SCUBE2: variants seen among roughly 807,000 people sequenced by gnomAD.
The protein encoded by SCUBE2 is signal peptide, CUB and EGF-like domain-containing protein 2.
In SCUBE2, 114 loss-of-function variants were observed where a neutral mutation model predicts 125.9. That is an observed-to-expected ratio of 0.91 (90% CI 0.78 to 1.06). SCUBE2 has a LOEUF of 1.06. SCUBE2 is among the 50% of genes least tolerant of loss of function. The pLI, the probability that SCUBE2 is intolerant of heterozygous loss-of-function variation, is 0.00. For synonymous variants in SCUBE2, 459 were observed against 492.9 expected (o/e 0.93, Z 0.91); for missense variants, 1,255 against 1,301.8 (o/e 0.96, Z 0.55).
At chr11:9,037,617 G>A (rs1590027265) in intron 16 of SCUBE2, among the ~76,000 whole-genome samples, 1 of 152,352 alleles carries the variant, frequency 6.6e-6, no homozygotes, top group South Asian at 2.1e-4. Flanking sequence ...GGGTGCCCCA[G>A]GGCTGCTGCT....
chr11:9,065,585 T>C (rs1276284740), intron 7 of SCUBE2, among the ~76,000 whole-genome samples: 1 of 152,150 alleles, frequency 6.6e-6, no homozygotes, highest in Non-Finnish European at 1.5e-5. Context: ...CTTTATTACA[T>C]CCATTTCAAA....
At chr11:9,066,204 T>A (rs1208916167) in intron 6 of SCUBE2, among the ~76,000 whole-genome samples, 2 of 152,194 alleles carry the variant, frequency 1.3e-5, no homozygotes, top group Admixed American at 1.3e-4. Context: ...TTTGGAGGTA[T>A]ATTGCACTGA....
intron 21 of SCUBE2, chr11:9,024,091 G>T: frequency 4.6e-6 from 2 of 436,234 alleles, no homozygotes; most frequent in Non-Finnish European, 3.1e-6. Flanking sequence ...TGTGACACAT[G>T]CAAGACTCAC....
intron 3 of SCUBE2, among the ~76,000 whole-genome samples, chr11:9,075,187 T>C (rs1165579056): frequency 2.2e-5 from 3 of 136,286 alleles, no homozygotes; most frequent in Non-Finnish European, 4.6e-5. Context: ...AGCCTGGGCC[T>C]CAGAGCGAGA....
At chr11:9,039,376 G>C (rs563534908) in intron 16 of SCUBE2, among the ~76,000 whole-genome samples, 6 of 152,336 alleles carry the variant, frequency 3.9e-5, no homozygotes, top group Admixed American at 1.3e-4. Context: ...AACAGAAAGG[G>C]AGAGGTCAAG....
chr11:9,022,883 T>TCC (rs1192640409), intron 21 of SCUBE2: 2 of 152,318 alleles, frequency 1.3e-5, no homozygotes, highest in African/African-American at 4.8e-5. Flanking sequence ...TTTTTCTCTA[T>TCC]TCTTGTATTA....
intron 16 of SCUBE2, among the ~76,000 whole-genome samples, chr11:9,036,104 G>A (rs1252120405): frequency 6.6e-6 from 1 of 152,160 alleles, no homozygotes; most frequent in African/African-American, 2.4e-5. Flanking sequence ...CAGCCTGGCT[G>A]GTCTCGAACT....
chr11:9,079,075 AAT>A (rs1397026590), intron 3 of SCUBE2, among the ~76,000 whole-genome samples: 1 of 152,206 alleles, frequency 6.6e-6, no homozygotes, highest in Non-Finnish European at 1.5e-5. Context: ...TGAAAAAAAA[AAT>A]GGTTATAAGT....
At position 9,047,998 on chromosome 11, in the gene SCUBE2, C is replaced by T; in HGVS notation, c.1740G>A (p.Lys580=). Residue 580 remains lysine, a synonymous_variant, in exon 15 of 23, where the codon AAG becomes AAA. Coordinates refer to ENST00000649792, the MANE Select transcript of SCUBE2 (RefSeq NM_001367977.2). Reference sequence around the variant, plus strand: ...CAAACTCAACAGTGATAAACATTTCCTTAGGGGTGCTTGGTCGGCCAGGGG... The same window carrying T: ...CAAACTCAACAGTGATAAACATTTCTTTAGGGGTGCTTGGTCGGCCAGGGG... ...PGAPGRPSTP[K]EMFITVEFEL... 6.2e-7 allele frequency: 1 copy of T among 1,614,154 alleles called. No individual in the cohort carries two copies. Among genetic ancestry groups the T allele is most frequent in the Non-Finnish European group, 8.5e-7 (1 of 1,180,012 alleles).
At chr11:9,086,913 A>G (rs920938771) in intron 2 of SCUBE2, among the ~76,000 whole-genome samples, 1 of 151,854 alleles carries the variant, frequency 6.6e-6, no homozygotes, top group South Asian at 2.1e-4. Flanking sequence ...AATACTACAA[A>G]TATTCAAAAG....
At position 9,030,950 on chromosome 11, in the gene SCUBE2, G is replaced by A. The variant is rs763610695; in HGVS notation, c.2174-25C>T. On this transcript the variant is annotated intron_variant, in intron 17 of 22. Transcript: ENST00000649792. The stretch of plus-strand genomic sequence containing the variant: ...CCTGGAAGGACCAATAGCCTTACGT[G>A]AGCAAGGCCTCCAGGCAGACCCTTG... The A allele has an allele frequency of 5.0e-6, 8 of 1,601,930 alleles. No individual in the cohort carries two copies. In the African/African-American group the frequency reaches 1.1e-4, roughly 21 times the overall value.
At chr11:9,050,962 A>G (rs559134954) in intron 13 of SCUBE2, among the ~76,000 whole-genome samples, 12 of 152,316 alleles carry the variant, frequency 7.9e-5, no homozygotes, top group African/African-American at 2.2e-4. Flanking sequence ...AATAAAACAG[A>G]GGCCAGCCTG....
chr11:9,031,026 C>A (rs1856256616), intron 17 of SCUBE2, 101 bp from the exon 18 acceptor site: 4 of 1,115,760 alleles, frequency 3.6e-6, no homozygotes, highest in Non-Finnish European at 5.1e-6. Context: ...TTACCCAGTG[C>A]TGACCGCAGT....
intron 17 of SCUBE2, among the ~76,000 whole-genome samples, chr11:9,031,777 G>C (rs1039514138): frequency 2.0e-5 from 3 of 152,206 alleles, no homozygotes; most frequent in Non-Finnish European, 2.9e-5. Flanking sequence ...TCAGGAATTA[G>C]TCATTGGCAA....
At chr11:9,042,072 A>G (rs1414887278) in intron 16 of SCUBE2, among the ~76,000 whole-genome samples, 1 of 151,998 alleles carries the variant, frequency 6.6e-6, no homozygotes, top group Admixed American at 6.5e-5. Context: ...TGAAGAGAAG[A>G]AGTTGTTTCG....
Position 9,079,505 on chromosome 11 carries a change from G to C in SCUBE2, c.261C>G (p.Ile87Met). 1.2e-6 allele frequency: 2 copies of C among 1,613,348 alleles called. No homozygotes were observed. The highest frequency in any genetic ancestry group is 2.2e-5 in the South Asian group (2 of 90,902). The part of the protein sequence containing the change: ...YQGEGRQCED[I>M]DECGNELNGG... Reference sequence around the variant, plus strand: ...CATTGAGCTCATTTCCACATTCATCGATGTCTGAGGAATAAAACAGAAGTA... The same window carrying C: ...CATTGAGCTCATTTCCACATTCATCCATGTCTGAGGAATAAAACAGAAGTA... The change falls in exon 3 of 23, where the codon ATC becomes ATG. Residue 87 changes from isoleucine to methionine, a missense_variant. Ile to Met is a conservative substitution (Grantham distance 10). Coordinates refer to ENST00000649792, the MANE Select transcript of SCUBE2 (RefSeq NM_001367977.2).
chr11:9,060,928 T>C (rs1016133954), intron 7 of SCUBE2, among the ~76,000 whole-genome samples: 19 of 152,178 alleles, frequency 1.2e-4, no homozygotes, highest in Admixed American at 1.2e-3. Flanking sequence ...ATATGAGTAA[T>C]GGGCAAAGCA....
chr11:9,086,622 G>A lies in SCUBE2; in HGVS notation c.256+3085C>T, dbSNP rs535974684. ...AATCCCAGCACTTTGGGAGGCCAAG[G>A]TGGGTGGATCATCTGAGGTCAGGAG... On this transcript the variant is annotated intron_variant, in intron 2 of 22. Transcript: ENST00000649792. Among the ~76,000 whole-genome samples the A allele has an allele frequency of 4.6e-5, 7 of 152,176 alleles. 1 individual carries two copies. The highest frequency in any genetic ancestry group is 3.9e-4 in the Admixed American group (6 of 15,284).
chr11:9,034,980 G>T (rs1166819276), intron 16 of SCUBE2, among the ~76,000 whole-genome samples: 1 of 152,146 alleles, frequency 6.6e-6, no homozygotes, highest in African/African-American at 2.4e-5. Flanking sequence ...CTGGGCCACA[G>T]AGTGAGGCTC....
Sources: allele counts gnomAD v4.1 joint callset (sites outside exome capture counted in the v4.1 genomes callset), GRCh38; gene constraint gnomAD v4.1.1; transcripts MANE v1.5; gene names NCBI Gene and HGNC (gene_info 2026-07-23, HGNC 2026-07-21).